RCC2: variants seen among roughly 807,000 people sequenced by gnomAD.
The protein encoded by RCC2 is regulator of chromosome condensation 2.
RCC2 carries 19 observed loss-of-function variants against 64.1 expected under a neutral mutation model. The ratio of observed to expected loss-of-function variants is 0.30; its 90% CI spans 0.21 to 0.44. The LOEUF is 0.44. RCC2 is among the 20% of genes least tolerant of loss of function. The pLI, the probability that RCC2 is intolerant of heterozygous loss-of-function variation, is 1.00. For missense variants in RCC2, 508 were observed against 710.4 expected (o/e 0.72, Z 3.24); for synonymous variants, 325 against 279.6 (o/e 1.16, Z -1.62).
At chr1:17,411,196 A>C (rs2075420707) in intron 11 of RCC2, among the ~76,000 whole-genome samples, 1 of 152,206 alleles carries the variant, frequency 6.6e-6, no homozygotes, top group South Asian at 2.1e-4. Context: ...AAGACCACCA[A>C]GAGTTAAGCG....
rs1183196804 is a variant in RCC2, at chr1:17,408,178, G to C, written c.*912C>G. 6.6e-6 allele frequency: 1 copy of C among 152,396 alleles called. No individual in the cohort carries two copies. Among genetic ancestry groups the C allele is most frequent in the Non-Finnish European group, 1.5e-5 (1 of 68,190 alleles). The allele number at this position is 152,396 out of a possible 1,614,324, so 9.4% of individuals were successfully genotyped here. On this transcript the variant is annotated 3_prime_UTR_variant, in exon 13 of 13. Coordinates refer to ENST00000375436, the MANE Select transcript of RCC2 (RefSeq NM_018715.4). Reference sequence around the variant, plus strand: ...GGGAGAAAAAGAGACCAAAGCACAAGGCGATCGAGGCTGGCACAGAAAGGG... The same window carrying C: ...GGGAGAAAAAGAGACCAAAGCACAACGCGATCGAGGCTGGCACAGAAAGGG...
At chr1:17,412,560 G>C (rs2075438700) in intron 10 of RCC2, among the ~76,000 whole-genome samples, 1 of 152,214 alleles carries the variant, frequency 6.6e-6, no homozygotes, top group African/African-American at 2.4e-5. Flanking sequence ...GATTTGGGCA[G>C]GGCTAGAGCC....
In RCC2 at chr1:17,425,574, G is replaced by A; in HGVS notation, c.490C>T (p.Leu164Phe). The A allele has an allele frequency of 6.2e-7, 1 of 1,613,762 alleles. No homozygotes were observed. Among genetic ancestry groups the A allele is most frequent in the Non-Finnish European group, 8.5e-7 (1 of 1,179,804 alleles). Residue 164 changes from leucine to phenylalanine, a missense_variant, in exon 4 of 13, where the codon CTC (leucine) becomes TTC (phenylalanine). Around this residue, in one of 4 missense-constraint regions of RCC2, gnomAD observed 132 missense variants for 207.3 expected, o/e 0.64. Transcript: ENST00000375436. ...CACAGCTTCCCTTCCGTGGTGATGAGGAGGCTGTGTGCAGCACACGAGCCC... is the reference window on the plus strand; with the variant it reads ...CACAGCTTCCCTTCCGTGGTGATGAAGAGGCTGTGTGCAGCACACGAGCCC... Reference protein sequence around the residue: ...VSGSCAAHSLLITTEGKLWSW... With the variant: ...VSGSCAAHSLFITTEGKLWSW...
chr1:17,428,814 T>TGAGGTGA (rs1400629754), intron 3 of RCC2, among the ~76,000 whole-genome samples: 2 of 152,120 alleles, frequency 1.3e-5, no homozygotes, highest in Non-Finnish European at 2.9e-5. Context: ...TGAAAACAAG[T>TGAGGTGA]GAGGTGAGAG....
At chr1:17,414,281 G>A (rs992118289) in intron 8 of RCC2, among the ~76,000 whole-genome samples, 1 of 151,994 alleles carries the variant, frequency 6.6e-6, no homozygotes. Context: ...TGTAATCCTA[G>A]CACGTTGGGA....
At chr1:17,431,201 A>C (rs2075671683) in intron 2 of RCC2, among the ~76,000 whole-genome samples, 1 of 149,174 alleles carries the variant, frequency 6.7e-6, no homozygotes, top group Admixed American at 6.7e-5. Flanking sequence ...GGGCATGGTG[A>C]CCGGCACCTG....
rs772133924 is a variant in RCC2 at position 17,409,043 on chromosome 1, T to G, written c.*47A>C. The G allele has an allele frequency of 7.3e-5, 99 of 1,360,762 alleles. No individual in the cohort carries two copies. The highest frequency in any genetic ancestry group is 1.0e-4 in the Non-Finnish European group (96 of 949,364). 84.3% of individuals were successfully genotyped at this position (1,360,762 alleles called of 1,614,324 possible). A position where few individuals can be genotyped will look rare whatever the true frequency, so the allele number is the denominator to read the frequency against. On this transcript the variant is annotated 3_prime_UTR_variant, in exon 13 of 13. Transcript: ENST00000375436. The stretch of plus-strand genomic sequence containing the variant: ...CTTCCCGTCCCAGTGCACATGGAAA[T>G]GACAGCTGCCGCGAGAGGTGTGGAG...
intron 8 of RCC2, among the ~76,000 whole-genome samples, chr1:17,414,067 T>C (rs1477656125): frequency 6.6e-6 from 1 of 152,216 alleles, no homozygotes; most frequent in Admixed American, 6.5e-5. Context: ...TGTAGCAAAA[T>C]GGCATGCATT....
At chr1:17,421,708 G>A (rs547249664) in intron 6 of RCC2, among the ~76,000 whole-genome samples, 3 of 152,166 alleles carry the variant, frequency 2.0e-5, no homozygotes, top group South Asian at 2.1e-4. Context: ...TTTTCAACCC[G>A]ACCACAAACT....
rs1261997126 is a variant in RCC2 at position 17,410,110 on chromosome 1, G to A, written c.1387-59C>T. ...ATCCATGTGGCTCAGTCCACAAGTG[G>A]GGAATCACGGCAACATTTCCTGGCC... On this transcript the variant is annotated intron_variant, in intron 11 of 12. Transcript: ENST00000375436. 3.6e-5 allele frequency: 52 copies of A among 1,463,370 alleles called. 1 individual carries two copies. The highest frequency in any genetic ancestry group is 4.2e-5 in the African/African-American group (3 of 71,688). The allele number at this position is 1,463,370 out of a possible 1,614,324, so 90.6% of individuals were successfully genotyped here. A position where few individuals can be genotyped will look rare whatever the true frequency, so the allele number is the denominator to read the frequency against.
intron 2 of RCC2, among the ~76,000 whole-genome samples, chr1:17,436,378 C>T (rs1196941230): frequency 6.6e-6 from 1 of 152,136 alleles, no homozygotes; most frequent in African/African-American, 2.4e-5. Context: ...GTGGAACACA[C>T]TTGTAATCCC....
In RCC2 at chr1:17,429,241, C is replaced by G. The variant is rs770297358; in HGVS notation, c.286-42G>C. 4.0e-6 allele frequency: 6 copies of G among 1,482,322 alleles called. No homozygotes were observed. The Admixed American group carries it at 1.0e-4, about 25-fold the overall frequency. The allele number at this position is 1,482,322 out of a possible 1,614,324, so 91.8% of individuals were successfully genotyped here. A position where few individuals can be genotyped will look rare whatever the true frequency, so the allele number is the denominator to read the frequency against. On this transcript the variant is annotated intron_variant, in intron 2 of 12. Coordinates refer to ENST00000375436, the MANE Select transcript of RCC2 (RefSeq NM_018715.4). ...AGGAAAAAAGAATTAGTGTGTAAGT[C>G]TGCACCTAGCTTTCCAAGGCTGTCC...
intron 4 of RCC2, among the ~76,000 whole-genome samples, chr1:17,424,961 G>A (rs1198332880): frequency 6.6e-6 from 1 of 152,164 alleles, no homozygotes; most frequent in African/African-American, 2.4e-5. Context: ...AGAAGGGAAA[G>A]CCGAACAACT....
At chr1:17,430,786 T>C in intron 2 of RCC2, among the ~76,000 whole-genome samples, 1 of 149,970 alleles carries the variant, frequency 6.7e-6, no homozygotes. Flanking sequence ...TGGAGTGCAG[T>C]GGCGTGATCT....
At chr1:17,411,580 CAAAA>C (rs56163231) in intron 11 of RCC2, among the ~76,000 whole-genome samples, 5 of 64,014 alleles carry the variant, frequency 7.8e-5, no homozygotes, top group Non-Finnish European at 1.2e-4. Context: ...AACTCCATCT[CAAAA>C]AAAAAAAAAA....
intron 3 of RCC2, among the ~76,000 whole-genome samples, chr1:17,426,020 G>A (rs985373853): frequency 3.9e-5 from 6 of 152,118 alleles, no homozygotes; most frequent in African/African-American, 7.2e-5. Flanking sequence ...ACGCCCACCC[G>A]CAAGTGCCCG....
chr1:17,414,224 T>G (rs11203381), intron 8 of RCC2, among the ~76,000 whole-genome samples: 3,247 of 152,230 alleles, frequency 0.021, 121 homozygotes, highest in African/African-American at 0.073. Flanking sequence ...GGCAATCATT[T>G]GATTCCCACT....
rs371649234 is a variant in RCC2 at position 17,425,501 on chromosome 1, G to A, written c.523+40C>T. On this transcript the variant is annotated intron_variant, in intron 4 of 12. Transcript: ENST00000375436. ...AACGTGCTGTGTGGGGACAGCTGGT[G>A]ACAGTGGTCCCCAGTGCCCAGCACC... The A allele has an allele frequency of 1.2e-4, 185 of 1,547,352 alleles. No individual in the cohort carries two copies. The African/African-American group carries it at 2.2e-3, about 19-fold the overall frequency.
At chr1:17,410,094 G>C (rs2075408881) in intron 11 of RCC2, 43 bp from the exon 12 acceptor site, 2 of 1,562,694 alleles carry the variant, frequency 1.3e-6, no homozygotes, top group Admixed American at 3.4e-5. Context: ...GATCCATGTG[G>C]CTCAGTCCAC....
Sources: allele counts gnomAD v4.1 joint callset (sites outside exome capture counted in the v4.1 genomes callset), GRCh38; gene constraint gnomAD v4.1.1; regional missense constraint gnomAD v4.1.1; transcripts MANE v1.5; gene names NCBI Gene and HGNC (gene_info 2026-07-23, HGNC 2026-07-21).